The following DOK4 variants were observed in gnomAD, a reference collection of about 807,000 sequenced individuals.
The protein encoded by DOK4 is downstream of tyrosine kinase 4.
A neutral mutation model predicts 40.1 loss-of-function variants in DOK4; 26 were observed. The observed-to-expected ratio is 0.65, with a 90% CI of 0.48 to 0.90. DOK4 has a LOEUF of 0.90. Ranked by LOEUF, DOK4 falls within the 40% of genes least tolerant of loss-of-function variation. DOK4 has a pLI of 0.00. For missense variants in DOK4, 392 were observed against 437.2 expected, an observed-to-expected ratio of 0.90 and a Z score of 0.92; for synonymous variants, 179 against 177.0, an observed-to-expected ratio of 1.01 and a Z score of -0.09.
At chr16:57,473,957 G>C in exon 7 of DOK4, 1 of 1,613,308 alleles carries the variant, frequency 6.2e-7, no homozygotes, top group Non-Finnish European at 8.5e-7. Flanking sequence ...GCGATGGCCA[G>C]GGTGGCACTG....
At chr16:57,474,119 G>A (rs908309719) in intron 6 of DOK4, 80 bp from the exon 7 acceptor site, 2 of 1,576,620 alleles carry the variant, frequency 1.3e-6, no homozygotes, top group African/African-American at 1.3e-5. Flanking sequence ...TCTTGCAACT[G>A]CAAGTTGTGG....
In DOK4 at chr16:57,479,463, C is replaced by T; in HGVS notation, c.45G>A (p.Lys15=). The T allele has an allele frequency of 6.2e-7, 1 of 1,613,856 alleles. No homozygotes were observed. The highest frequency in any genetic ancestry group is 1.3e-5 in the African/African-American group (1 of 75,066). Residue 15 remains lysine (K), a synonymous_variant, in exon 2 of 9, where the codon AAG becomes AAA. Transcript: ENST00000340099. This position sits in a 1 kb window ranked among gnomAD's most constrained non-coding sequence, Gnocchi z 5.8. ...TCACCCCGAGCTTCCTGCTCTTCAT[C>T]TTCACGTAGCCTTGCTTGACGATGT...
At chr16:57,480,981 C>T (rs1048333379) in intron 1 of DOK4, among the ~76,000 whole-genome samples, 2 of 152,204 alleles carry the variant, frequency 1.3e-5, no homozygotes, top group Admixed American at 1.3e-4. Context: ...CCACCTAAGC[C>T]TTCCCTGCCA....
intron 1 of DOK4, 119 bp downstream of exon 1, chr16:57,486,186 G>A (rs2146677399): frequency 6.6e-6 from 1 of 152,346 alleles, no homozygotes; most frequent in African/African-American, 2.4e-5. Context: ...GGTCCCATGG[G>A]ACGGAGCGTC....
Position 57,475,832 on chromosome 16 carries a change from G to A in DOK4, c.174+18C>T. The A allele has an allele frequency of 6.2e-7, 1 of 1,607,326 alleles. No homozygotes were observed. Among genetic ancestry groups the A allele is most frequent in the East Asian group, 2.2e-5 (1 of 44,712 alleles). Reference sequence around the variant, plus strand: ...ACAGCCCTGCCACTTGGGGGAGCTAGGGCCCAGGCCTCCTAACCTTGGGGC... The same window carrying A: ...ACAGCCCTGCCACTTGGGGGAGCTAAGGCCCAGGCCTCCTAACCTTGGGGC... On this transcript the variant is annotated intron_variant, in intron 3 of 8. Transcript: ENST00000340099.
chr16:57,483,237 G>T (rs1025940650), intron 1 of DOK4, among the ~76,000 whole-genome samples: 13 of 152,212 alleles, frequency 8.5e-5, no homozygotes, highest in South Asian at 4.1e-4. Context: ...GTGAGGGGGG[G>T]GCCCAGAACC....
At position 57,485,032 on chromosome 16, in the gene DOK4, C is replaced by T. The variant is rs1275617111; in HGVS notation, c.-182+1273G>A. On this transcript the variant is annotated intron_variant, in intron 1 of 8. Coordinates refer to ENST00000340099, the Ensembl canonical transcript of DOK4. This position sits in a 1 kb window ranked among gnomAD's most constrained non-coding sequence, Gnocchi z 4.3. ...GTAATTCTCTCCAGGACTTGTCCTCCTCCCCATCCTTTCTTCCACCACCAC... is the reference window on the plus strand; with the variant it reads ...GTAATTCTCTCCAGGACTTGTCCTCTTCCCCATCCTTTCTTCCACCACCAC... Among the ~76,000 whole-genome samples the T allele has an allele frequency of 6.6e-6, 1 of 152,242 alleles. No individual in the cohort carries two copies. The highest frequency in any genetic ancestry group is 1.5e-5 in the Non-Finnish European group (1 of 68,044).
chr16:57,482,542 T>C (rs1204511520), intron 1 of DOK4, among the ~76,000 whole-genome samples: 1 of 151,732 alleles, frequency 6.6e-6, no homozygotes, highest in East Asian at 1.9e-4. Flanking sequence ...AATTGTTTCA[T>C]ATTTTTAGTA....
chr16:57,475,770 T>C (rs1264412744), intron 3 of DOK4, 80 bp downstream of exon 3: 2 of 890,330 alleles, frequency 2.2e-6, no homozygotes, highest in Non-Finnish European at 3.2e-6. Flanking sequence ...CCTCTCTCCC[T>C]CTCTCCCCTC....
chr16:57,473,765 A>G (rs778215520), intron 7 of DOK4, 29 bp from the exon 8 acceptor site: 7 of 1,598,008 alleles, frequency 4.4e-6, no homozygotes, highest in Admixed American at 3.4e-5. Flanking sequence ...GGTCACTCCC[A>G]TTAGTGGCTT....
rs565797753 is a variant in DOK4 at position 57,479,853 on chromosome 16, G to A, written c.-181-165C>T. On this transcript the variant is annotated intron_variant, in intron 1 of 8. Coordinates refer to ENST00000340099, the Ensembl canonical transcript of DOK4. This position sits in a 1 kb window ranked among gnomAD's most constrained non-coding sequence, Gnocchi z 5.8. ...TTCCCTTCCCTCCCCACCCCAGGAC[G>A]ACAGAACCATTCAGGAAAACCGAGG... 16 of 229,904 alleles carry A rather than the reference G, an allele frequency of 7.0e-5. No homozygotes were observed. The highest frequency in any genetic ancestry group is 1.3e-4 in the East Asian group (1 of 7,600). 14.2% of individuals were successfully genotyped at this position (229,904 alleles called of 1,614,324 possible).
intron 2 of DOK4, 153 bp from the exon 3 acceptor site, chr16:57,476,110 C>T: frequency 3.2e-6 from 2 of 629,052 alleles, no homozygotes; most frequent in East Asian, 5.5e-5. Flanking sequence ...GAGTCACCAG[C>T]AGTGTCACCT....
exon 6 of DOK4, chr16:57,474,973 T>C (rs199562538): frequency 2.3e-5 from 37 of 1,609,318 alleles, no homozygotes; most frequent in Admixed American, 1.3e-4. Flanking sequence ...CAGGAAGACA[T>C]TGAAGCGATC....
At chr16:57,475,686 CT>C (rs2031129770) in intron 3 of DOK4, 66 bp from the exon 4 acceptor site, 40 of 908,904 alleles carry the variant, frequency 4.4e-5, no homozygotes, top group African/African-American at 2.2e-4. Flanking sequence ...CTCTCTCTCT[CT>C]CTCTCTCTCC....
At position 57,479,616 on chromosome 16, in the gene DOK4, G is replaced by T; in HGVS notation, c.-109C>A. On this transcript the variant is annotated 5_prime_UTR_variant, in exon 2 of 9. Coordinates refer to ENST00000340099, the Ensembl canonical transcript of DOK4. This position sits in a 1 kb window ranked among gnomAD's most constrained non-coding sequence, Gnocchi z 5.8. ...TCACCTGTTCCAGACACTCTGTCGG[G>T]GCTGCCGCGAGGGGCTGCTCCTCAC... 2 of 1,264,238 alleles carry T rather than the reference G, an allele frequency of 1.6e-6. No individual in the cohort carries two copies. The highest frequency in any genetic ancestry group is 2.3e-6 in the Non-Finnish European group (2 of 883,438). The allele number at this position is 1,264,238 out of a possible 1,614,324, so 78.3% of individuals were successfully genotyped here.
rs2031326350 is a variant in DOK4 at position 57,479,366 on chromosome 16, A to C, written c.66+76T>G. 6.5e-7 allele frequency: 1 copy of C among 1,536,486 alleles called. No homozygotes were observed. The highest frequency in any genetic ancestry group is 8.9e-7 in the Non-Finnish European group (1 of 1,122,896). ...AGGGCAGCCGCGTGCCCCACGCGCC[A>C]TGCCTCCAAGCCTGGGACCGAGTCC... On this transcript the variant is annotated intron_variant, in intron 2 of 8. Transcript: ENST00000340099. This position sits in a 1 kb window ranked among gnomAD's most constrained non-coding sequence, Gnocchi z 5.8.
At chr16:57,475,322 A>T (rs1416298830) in intron 4 of DOK4, 103 bp from the exon 5 acceptor site, 2 of 1,540,120 alleles carry the variant, frequency 1.3e-6, no homozygotes, top group Non-Finnish European at 8.8e-7. Flanking sequence ...GGGTAAGGAC[A>T]GTGGGTTCTG....
chr16:57,473,693 G>A lies in DOK4; in HGVS notation c.782C>T (p.Pro261Leu), dbSNP rs912506663. 3.1e-6 allele frequency: 5 copies of A among 1,614,002 alleles called. No homozygotes were observed. In the African/African-American group the frequency reaches 6.7e-5, roughly 22 times the overall value. Reference sequence around the variant, plus strand: ...GGCACTGCGCGGCAGCATGGTCGTGGGTGTGCAGGGATACGAGTAATGTTC... The same window carrying A: ...GGCACTGCGCGGCAGCATGGTCGTGAGTGTGCAGGGATACGAGTAATGTTC... The change falls in exon 8 of 9, where the codon CCC (proline) becomes CTC (leucine). Residue 261 changes from proline to leucine, a missense_variant. Pro to Leu is a moderately conservative substitution (Grantham distance 98, BLOSUM62 -3). Coordinates refer to ENST00000340099, the Ensembl canonical transcript of DOK4.
intron 1 of DOK4, chr16:57,480,190 G>A (rs1019515617): frequency 2.6e-5 from 4 of 152,206 alleles, no homozygotes; most frequent in Admixed American, 1.3e-4. Context: ...TGACCCCTGC[G>A]TGTCTGAGTG....
Sources: allele counts gnomAD v4.1 joint callset (sites outside exome capture counted in the v4.1 genomes callset), GRCh38; gene constraint gnomAD v4.1.1; non-coding constraint Gnocchi (gnomAD v3.1); transcripts MANE v1.5; gene names NCBI Gene and HGNC (gene_info 2026-07-23, HGNC 2026-07-21).